SRGAP1: variants seen among roughly 807,000 people sequenced by gnomAD.
SRGAP1 encodes the protein SLIT-ROBO Rho GTPase activating protein 1.
Under a neutral mutation model 121.9 loss-of-function variants are expected in SRGAP1, and 43 were observed. The observed-to-expected ratio is 0.35, with a 90% CI of 0.28 to 0.46. SRGAP1 has a LOEUF of 0.46. SRGAP1 is among the 20% of genes least tolerant of loss of function. The pLI is 1.00. For missense variants in SRGAP1, 1,102 were observed against 1,350.9 expected, an observed-to-expected ratio of 0.82 and a Z score of 2.89; for synonymous variants, 447 against 485.4, an observed-to-expected ratio of 0.92 and a Z score of 1.04.
intron 3 of SRGAP1, among the ~76,000 whole-genome samples, chr12:64,012,027 A>T (rs568279280): frequency 2.8e-4 from 42 of 152,214 alleles, no homozygotes; most frequent in African/African-American, 9.6e-4. Flanking sequence ...AGGCCACTGC[A>T]CTTCAGCCTA....
chr12:63,850,596 ATTT>A (rs34957489), intron 1 of SRGAP1, among the ~76,000 whole-genome samples: 2 of 124,304 alleles, frequency 1.6e-5, no homozygotes, highest in Non-Finnish European at 1.7e-5. Context: ...ATACCTGGCT[ATTT>A]TTTTTTTTTT....
At chr12:63,982,856 A>G (rs1194021769) in intron 1 of SRGAP1, 2 of 152,198 alleles carry the variant, frequency 1.3e-5, no homozygotes, top group Admixed American at 6.5e-5. Flanking sequence ...TCATTTACAC[A>G]TATTTTTGCA....
intron 3 of SRGAP1, among the ~76,000 whole-genome samples, chr12:63,993,819 A>G (rs1192391032): frequency 2.0e-5 from 3 of 152,214 alleles, no homozygotes; most frequent in East Asian, 3.9e-4. Context: ...AGAACCAGTT[A>G]TAGACATAGT....
chr12:64,099,786 A>G (rs1474648929), intron 15 of SRGAP1, among the ~76,000 whole-genome samples: 1 of 152,240 alleles, frequency 6.6e-6, no homozygotes, highest in Non-Finnish European at 1.5e-5. Flanking sequence ...TTCTAGGTCC[A>G]TACATCATGT....
intron 1 of SRGAP1, among the ~76,000 whole-genome samples, chr12:63,960,907 T>C (rs2032619141): frequency 6.6e-6 from 1 of 152,192 alleles, no homozygotes; most frequent in Non-Finnish European, 1.5e-5. Context: ...GTCGCTAGCC[T>C]TCCTGATGCT....
At chr12:63,992,529 C>T (rs1178599114) in intron 3 of SRGAP1, among the ~76,000 whole-genome samples, 2 of 152,056 alleles carry the variant, frequency 1.3e-5, no homozygotes, top group African/African-American at 4.8e-5. Context: ...AGTGAGGCAG[C>T]TCCCTTTGGT....
chr12:63,868,383 G>A (rs1252416804), intron 1 of SRGAP1, among the ~76,000 whole-genome samples: 5 of 151,664 alleles, frequency 3.3e-5, no homozygotes, highest in Admixed American at 6.6e-5. Context: ...GCGCCTGGCT[G>A]TCTATATATT....
intron 16 of SRGAP1, among the ~76,000 whole-genome samples, chr12:64,109,359 G>A (rs183335188): frequency 1.8e-4 from 27 of 152,162 alleles, no homozygotes; most frequent in Admixed American, 1.3e-4. Flanking sequence ...GAATGTTTTT[G>A]TCAAAATGAT....
intron 1 of SRGAP1, among the ~76,000 whole-genome samples, chr12:63,852,964 A>G (rs1039774385): frequency 2.6e-5 from 4 of 151,884 alleles, no homozygotes; most frequent in Non-Finnish European, 4.4e-5. Flanking sequence ...TTATACTGCA[A>G]ATAAGCATGG....
chr12:64,142,159 A>G (rs557040490), intron 21 of SRGAP1, 136 bp from the exon 22 acceptor site: 3 of 840,276 alleles, frequency 3.6e-6, no homozygotes, highest in East Asian at 4.9e-5. Context: ...TAATGTTTAC[A>G]TATTCTGCAG....
intron 1 of SRGAP1, among the ~76,000 whole-genome samples, chr12:63,956,802 T>G (rs1406149533): frequency 2.0e-5 from 3 of 151,508 alleles, no homozygotes; most frequent in African/African-American, 7.3e-5. Flanking sequence ...ATTCCATGGT[T>G]TTTAGTATAT....
Position 64,128,182 on chromosome 12 carries a change from C to T in SRGAP1, c.2862C>T (p.Asp954=), listed in dbSNP as rs775851301. The T allele has an allele frequency of 6.2e-7, 1 of 1,610,066 alleles. No homozygotes were observed. Among genetic ancestry groups the T allele is most frequent in the Admixed American group, 1.7e-5 (1 of 59,942 alleles). ...GCTTCAATGACCACAAGCCACTGGA[C>T]CCAGAGACAATTGCTCAGGTACGAT... ...YTGFNDHKPL[D]PETIAQDIEE... is the part of the protein sequence containing the mutation. The change falls in exon 21 of 22, where the codon GAC becomes GAT. Residue 954 remains aspartate (D), a synonymous_variant. Coordinates refer to ENST00000355086, the MANE Select transcript of SRGAP1 (RefSeq NM_020762.4).
intron 1 of SRGAP1, among the ~76,000 whole-genome samples, chr12:63,885,670 A>G (rs1346051057): frequency 6.6e-6 from 1 of 152,226 alleles, no homozygotes; most frequent in Non-Finnish European, 1.5e-5. Context: ...TTTTTGACCC[A>G]CAATCAGGTT....
At chr12:64,114,902 C>A (rs544363240) in intron 17 of SRGAP1, among the ~76,000 whole-genome samples, 11 of 152,270 alleles carry the variant, frequency 7.2e-5, no homozygotes, top group African/African-American at 2.2e-4. Flanking sequence ...AGTAGTTATA[C>A]TTGTCCCCCA....
At chr12:64,031,099 C>G (rs1593060796) in intron 4 of SRGAP1, among the ~76,000 whole-genome samples, 1 of 152,102 alleles carries the variant, frequency 6.6e-6, no homozygotes, top group East Asian at 1.9e-4. Context: ...GGGTGGATCA[C>G]TTGAGGTCAG....
intron 6 of SRGAP1, among the ~76,000 whole-genome samples, chr12:64,059,731 A>G (rs1268962445): frequency 6.6e-6 from 1 of 152,162 alleles, no homozygotes; most frequent in African/African-American, 2.4e-5. Context: ...ACCATTATAG[A>G]TTTTGAAAAG....
chr12:64,116,970 A>T (rs1463321345), intron 18 of SRGAP1, among the ~76,000 whole-genome samples: 2 of 152,148 alleles, frequency 1.3e-5, no homozygotes, highest in Non-Finnish European at 2.9e-5. Context: ...AGGGTTGCCT[A>T]GTTGGAATAA....
chr12:64,111,985 T>C lies in SRGAP1; in HGVS notation c.2143T>C (p.Cys715Arg), dbSNP rs148973335. 3.1e-6 allele frequency: 5 copies of C among 1,612,376 alleles called. No individual in the cohort carries two copies. Among genetic ancestry groups the C allele is most frequent in the Non-Finnish European group, 4.2e-6 (5 of 1,178,886 alleles). Reference sequence around the variant, plus strand: ...GAAATGTATGGCTGGAGATGACTATTGGTAAGTCTAAGAATTTTAGTCCTC... The same window carrying C: ...GAAATGTATGGCTGGAGATGACTATCGGTAAGTCTAAGAATTTTAGTCCTC... Reference protein sequence around the residue: ...YEKCMAGDDYCDSPYSEHGTL... With the variant: ...YEKCMAGDDYRDSPYSEHGTL... The change falls in exon 17 of 22, where the codon TGC becomes CGC. Residue 715 changes from cysteine (C) to arginine (R), a missense_variant and splice_region_variant. Around this residue, in one of 3 missense-constraint regions of SRGAP1, gnomAD observed 747 missense variants for 929.4 expected, o/e 0.80. Coordinates refer to ENST00000355086, the MANE Select transcript of SRGAP1 (RefSeq NM_020762.4).
intron 21 of SRGAP1, among the ~76,000 whole-genome samples, chr12:64,136,409 A>AT (rs1288134705): frequency 1.3e-5 from 2 of 152,208 alleles, no homozygotes; most frequent in African/African-American, 4.8e-5. Flanking sequence ...AGAGGTTAAT[A>AT]GATTCAGGGA....
Sources: gnomAD v4.1 joint callset for allele counts (sites outside exome capture counted in the v4.1 genomes callset) on GRCh38, gnomAD v4.1.1 for gene constraint, gnomAD v4.1.1 regional missense constraint, MANE v1.5 for transcripts, NCBI Gene and HGNC (gene_info 2026-07-23, HGNC 2026-07-21) for gene names.